Variants in MBTD1 observed in about 807,000 individuals in gnomAD.
MBTD1 encodes the protein MBT domain-containing protein 1.
In MBTD1, 24 loss-of-function variants were observed where a neutral mutation model predicts 87.8. That is an observed-to-expected ratio of 0.27 (90% CI 0.20 to 0.38). The LOEUF (loss-of-function observed/expected upper bound fraction) is 0.38, where lower values mean the gene tolerates loss of function less well. Ranked by LOEUF, MBTD1 falls within the 10% of genes least tolerant of loss-of-function variation. MBTD1 has a pLI of 1.00. For synonymous variants in MBTD1, 237 were observed against 248.6 expected (o/e 0.95, Z 0.44); for missense variants, 436 against 760.2 (o/e 0.57, Z 5.02).
chr17:51,215,867 C>T (rs1336883330), intron 6 of MBTD1, among the ~76,000 whole-genome samples: 1 of 150,856 alleles, frequency 6.6e-6, no homozygotes, highest in Non-Finnish European at 1.5e-5. Flanking sequence ...ACTTAGATTT[C>T]TACAACAGGA....
In MBTD1 at chr17:51,179,516, A is replaced by ATATATATATATATATT. The variant is rs2050225482; in HGVS notation, c.*1059_*1060insAATATATATATATATA. 1 of 87,964 alleles carries ATATATATATATATATT rather than the reference A, an allele frequency of 1.1e-5. No homozygotes were observed. Among genetic ancestry groups the ATATATATATATATATT allele is most frequent in the South Asian group, 3.1e-4 (1 of 3,204 alleles). 5.4% of individuals were successfully genotyped at this position (87,964 alleles called of 1,614,324 possible). A position where few individuals can be genotyped will look rare whatever the true frequency, so the allele number is the denominator to read the frequency against. ...TATATATATATATATATATATATAT[A>ATATATATATATATATT]TATATATATATATATATATATGGAA... is the stretch of plus-strand genomic sequence containing the variant. On this transcript the variant is annotated 3_prime_UTR_variant, in exon 17 of 17. Coordinates refer to ENST00000586178, the MANE Select transcript of MBTD1 (RefSeq NM_017643.3).
chr17:51,190,875 G>A (rs1279694332), intron 16 of MBTD1, among the ~76,000 whole-genome samples: 1 of 150,392 alleles, frequency 6.6e-6, no homozygotes, highest in Admixed American at 6.7e-5. Context: ...GAGCCCAAAA[G>A]TTTGAGACCA....
At chr17:51,222,632 A>G (rs2052976041) in intron 3 of MBTD1, among the ~76,000 whole-genome samples, 2 of 151,874 alleles carry the variant, frequency 1.3e-5, no homozygotes, top group Non-Finnish European at 1.5e-5. Context: ...TCCTGAGCTT[A>G]GGCAATCTGC....
At chr17:51,189,415 C>G (rs533120642) in intron 16 of MBTD1, among the ~76,000 whole-genome samples, 1 of 152,156 alleles carries the variant, frequency 6.6e-6, no homozygotes, top group Admixed American at 6.5e-5. Context: ...TGCATATAGA[C>G]CAAAATTCAT....
chr17:51,189,192 G>C (rs1281965419), intron 16 of MBTD1, among the ~76,000 whole-genome samples: 1 of 151,926 alleles, frequency 6.6e-6, no homozygotes, highest in East Asian at 1.9e-4. Flanking sequence ...TCAGAGTCTG[G>C]AGTGTTACAT....
intron 2 of MBTD1, among the ~76,000 whole-genome samples, chr17:51,240,830 T>C (rs987909638): frequency 1.4e-4 from 22 of 152,178 alleles, no homozygotes; most frequent in Non-Finnish European, 2.8e-4. Context: ...CTGTATAGAT[T>C]TCCTCTTTTA....
chr17:51,211,228 C>CA (rs1309183201), intron 6 of MBTD1, among the ~76,000 whole-genome samples: 2 of 150,954 alleles, frequency 1.3e-5, no homozygotes, highest in Non-Finnish European at 3.0e-5. Flanking sequence ...CATGATGGCT[C>CA]ATGCCTGTAA....
intron 2 of MBTD1, among the ~76,000 whole-genome samples, chr17:51,234,512 A>G (rs764997460): frequency 7.2e-5 from 11 of 152,156 alleles, no homozygotes; most frequent in Non-Finnish European, 1.0e-4. Flanking sequence ...AACTTGGATG[A>G]AATGGACAAA....
intron 2 of MBTD1, among the ~76,000 whole-genome samples, chr17:51,230,541 G>A (rs1030463769): frequency 6.6e-6 from 1 of 152,192 alleles, no homozygotes; most frequent in African/African-American, 2.4e-5. Context: ...TCAAGCAGGG[G>A]CGATTAGCTG....
intron 7 of MBTD1, among the ~76,000 whole-genome samples, chr17:51,206,002 A>G (rs2051805981): frequency 6.6e-6 from 1 of 152,138 alleles, no homozygotes; most frequent in South Asian, 2.1e-4. Flanking sequence ...GCCCTACTAC[A>G]CTACTCACTG....
At position 51,179,506 on chromosome 17, in the gene MBTD1, A is replaced by ATATATATATT. The variant is rs2050219034; in HGVS notation, c.*1069_*1070insAATATATATA. 1 of 82,334 alleles carries ATATATATATT rather than the reference A, an allele frequency of 1.2e-5. No individual in the cohort carries two copies. The highest frequency in any genetic ancestry group is 2.5e-5 in the Non-Finnish European group (1 of 39,382). 5.1% of individuals were successfully genotyped at this position (82,334 alleles called of 1,614,324 possible). A position where few individuals can be genotyped will look rare whatever the true frequency, so the allele number is the denominator to read the frequency against. ...ATTTTATATATATATATATATATAT[A>ATATATATATT]TATATATATATATATATATATATAT... On this transcript the variant is annotated 3_prime_UTR_variant, in exon 17 of 17. Transcript: ENST00000586178.
intron 16 of MBTD1, among the ~76,000 whole-genome samples, chr17:51,182,357 C>A (rs2050351522): frequency 6.6e-6 from 1 of 151,972 alleles, no homozygotes; most frequent in Non-Finnish European, 1.5e-5. Flanking sequence ...GAACTCCTAG[C>A]CTCATGTGAT....
intron 2 of MBTD1, among the ~76,000 whole-genome samples, chr17:51,246,692 G>A (rs1229506591): frequency 6.6e-6 from 1 of 152,146 alleles, no homozygotes; most frequent in African/African-American, 2.4e-5. Flanking sequence ...CTGGAGTGCT[G>A]TGGTGCAATC....
chr17:51,245,072 T>C (rs1466612791), intron 2 of MBTD1, among the ~76,000 whole-genome samples: 2 of 152,124 alleles, frequency 1.3e-5, no homozygotes, highest in Non-Finnish European at 2.9e-5. Flanking sequence ...GGCTAATTTT[T>C]TGTATTTTTA....
chr17:51,232,642 A>G (rs1390371605), intron 2 of MBTD1, among the ~76,000 whole-genome samples: 1 of 152,196 alleles, frequency 6.6e-6, no homozygotes, highest in Non-Finnish European at 1.5e-5. Context: ...CAGAATGTAA[A>G]GATCCAATAA....
chr17:51,205,266 C>T (rs2051752279), intron 7 of MBTD1, among the ~76,000 whole-genome samples: 1 of 152,154 alleles, frequency 6.6e-6, no homozygotes. Context: ...CTGCTGAACT[C>T]TAGCTTCTGG....
chr17:51,247,796 T>C (rs2054535155), intron 2 of MBTD1, among the ~76,000 whole-genome samples: 2 of 152,216 alleles, frequency 1.3e-5, no homozygotes, highest in South Asian at 4.1e-4. Context: ...CCATTTTCTA[T>C]ACTCATGTAG....
intron 12 of MBTD1, among the ~76,000 whole-genome samples, chr17:51,199,779 C>G (rs139737712): frequency 3.9e-5 from 6 of 151,936 alleles, no homozygotes; most frequent in African/African-American, 1.5e-4. Flanking sequence ...GTCCAGCTGT[C>G]TGACCATGTG....
chr17:51,236,370 T>A (rs936832154), intron 2 of MBTD1, among the ~76,000 whole-genome samples: 4 of 152,108 alleles, frequency 2.6e-5, no homozygotes, highest in Non-Finnish European at 5.9e-5. Context: ...CTCAGCCTCC[T>A]GAGTGGCTAG....
Sources: gnomAD v4.1 joint callset for allele counts (sites outside exome capture counted in the v4.1 genomes callset) on GRCh38, gnomAD v4.1.1 for gene constraint, MANE v1.5 for transcripts, NCBI Gene and HGNC (gene_info 2026-07-23, HGNC 2026-07-21) for gene names.